CADPS2: variants seen among roughly 807,000 people sequenced by gnomAD.
CADPS2 encodes the protein calcium dependent secretion activator 2.
CADPS2 carries 93 observed loss-of-function variants against 172.5 expected under a neutral mutation model. The observed-to-expected ratio is 0.54, with a 90% CI of 0.46 to 0.64. The LOEUF (loss-of-function observed/expected upper bound fraction) is 0.64, where lower values mean the gene tolerates loss of function less well. Ranked by LOEUF, CADPS2 falls within the 30% of genes least tolerant of loss-of-function variation. The pLI, the probability that CADPS2 is intolerant of heterozygous loss-of-function variation, is 0.00. For missense variants in CADPS2, 1,420 were observed against 1,565.9 expected, an observed-to-expected ratio of 0.91 and a Z score of 1.57; for synonymous variants, 546 against 555.2, an observed-to-expected ratio of 0.98 and a Z score of 0.23.
At chr7:122,682,473 C>T (rs1164135642) in intron 2 of CADPS2, among the ~76,000 whole-genome samples, 2 of 152,084 alleles carry the variant, frequency 1.3e-5, no homozygotes, top group Admixed American at 6.5e-5. Flanking sequence ...AAATGTTTTT[C>T]TTGTTTTGCC....
intron 1 of CADPS2, among the ~76,000 whole-genome samples, chr7:122,800,277 T>C (rs562223350): frequency 1.3e-5 from 2 of 152,154 alleles, no homozygotes; most frequent in Non-Finnish European, 2.9e-5. Context: ...TACTGGAAAA[T>C]TTAACATCTC....
chr7:122,718,719 C>T (rs1009015540), intron 2 of CADPS2, among the ~76,000 whole-genome samples: 1 of 152,044 alleles, frequency 6.6e-6, no homozygotes, highest in African/African-American at 2.4e-5. Flanking sequence ...AAAGAAAGAA[C>T]CAAACGCTGT....
chr7:122,842,935 T>G (rs1024948261), intron 1 of CADPS2, among the ~76,000 whole-genome samples: 1 of 152,186 alleles, frequency 6.6e-6, no homozygotes. Flanking sequence ...TTCAAAGCCT[T>G]TCAGTGACCA....
chr7:122,518,665 A>G (rs886955651), intron 8 of CADPS2, among the ~76,000 whole-genome samples: 8 of 151,970 alleles, frequency 5.3e-5, no homozygotes, highest in African/African-American at 1.9e-4. Flanking sequence ...AGTCATTACT[A>G]CCTTCCTCAT....
At chr7:122,336,221 C>A (rs192926401) in intron 28 of CADPS2, among the ~76,000 whole-genome samples, 222 of 152,268 alleles carry the variant, frequency 1.5e-3, no homozygotes, top group African/African-American at 5.2e-3. Context: ...ACACTGGTGA[C>A]CTGGCTGCCA....
At position 122,629,269 on chromosome 7, in the gene CADPS2, T is replaced by C. The variant is rs199913558; in HGVS notation, c.846A>G (p.Gln282=). ...TTACCTTTGCCATTTTATCTGCCAATTGCAGCCGGCCATCAAGTTCCCTTC... is the reference window on the plus strand; with the variant it reads ...TTACCTTTGCCATTTTATCTGCCAACTGCAGCCGGCCATCAAGTTCCCTTC... ...QIRRELDGRL[Q]LADKMAKERK... The change falls in exon 4 of 30, where the codon CAA becomes CAG. Residue 282 remains glutamine (Q), a synonymous_variant. Transcript: ENST00000449022. 1.2e-4 allele frequency: 189 copies of C among 1,610,042 alleles called. No individual in the cohort carries two copies. The African/African-American group carries it at 2.0e-3, about 17-fold the overall frequency.
chr7:122,705,303 C>A (rs1413075643), intron 2 of CADPS2, among the ~76,000 whole-genome samples: 1 of 150,704 alleles, frequency 6.6e-6, no homozygotes, highest in Non-Finnish European at 1.5e-5. Context: ...GTAATCTGTT[C>A]CTTTTAGATC....
At chr7:122,426,394 G>A (rs1467903654) in intron 17 of CADPS2, among the ~76,000 whole-genome samples, 1 of 152,198 alleles carries the variant, frequency 6.6e-6, no homozygotes, top group African/African-American at 2.4e-5. Context: ...GAATGTGTGT[G>A]CATGCATTGA....
intron 1 of CADPS2, among the ~76,000 whole-genome samples, chr7:122,864,029 C>CA (rs1315079623): frequency 3.3e-5 from 5 of 151,056 alleles, no homozygotes; most frequent in Non-Finnish European, 5.9e-5. Context: ...GATTCCGTCT[C>CA]AAAAAAAATA....
chr7:122,427,431 T>C (rs1234077485), intron 17 of CADPS2: 2 of 152,142 alleles, frequency 1.3e-5, no homozygotes, highest in Non-Finnish European at 2.9e-5. Context: ...TTGGGGATAA[T>C]TACAATAAAG....
intron 17 of CADPS2, among the ~76,000 whole-genome samples, chr7:122,434,526 A>G (rs1031918815): frequency 1.3e-5 from 2 of 152,186 alleles, no homozygotes; most frequent in African/African-American, 4.8e-5. Flanking sequence ...ACCTCTCTCC[A>G]AAGTCCAGAG....
At chr7:122,523,949 G>A (rs1402951393) in intron 8 of CADPS2, among the ~76,000 whole-genome samples, 1 of 152,128 alleles carries the variant, frequency 6.6e-6, no homozygotes, top group Non-Finnish European at 1.5e-5. Context: ...CTGGGACTGT[G>A]AAAATCTGAA....
At chr7:122,632,455 T>C (rs528370294) in intron 3 of CADPS2, among the ~76,000 whole-genome samples, 9 of 152,334 alleles carry the variant, frequency 5.9e-5, no homozygotes, top group African/African-American at 2.2e-4. Flanking sequence ...ATTTCTCTGA[T>C]GATTAGTGAT....
At chr7:122,549,599 C>T (rs780902833) in intron 8 of CADPS2, among the ~76,000 whole-genome samples, 2 of 150,142 alleles carry the variant, frequency 1.3e-5, no homozygotes, top group Admixed American at 6.7e-5. Flanking sequence ...TCAGCCTGGG[C>T]GACAGAGTGA....
chr7:122,491,218 C>T (rs905077190), intron 10 of CADPS2, 94 bp downstream of exon 10: 8 of 702,372 alleles, frequency 1.1e-5, no homozygotes, highest in African/African-American at 9.2e-5. Flanking sequence ...CCCTATTCAT[C>T]GAGAGGGGTT....
At chr7:122,669,497 T>C (rs1162827442) in intron 2 of CADPS2, among the ~76,000 whole-genome samples, 2 of 151,742 alleles carry the variant, frequency 1.3e-5, no homozygotes, top group Non-Finnish European at 2.9e-5. Context: ...GATGGATAAA[T>C]ATCCAGTAAC....
In CADPS2 at chr7:122,864,795, A is replaced by G. The variant is rs1288280480; in HGVS notation, c.339+21204T>C. Among the ~76,000 whole-genome samples, 96 of 152,302 alleles carry G rather than the reference A, an allele frequency of 6.3e-4. 1 individual carries two copies. The highest frequency in any genetic ancestry group is 3.4e-4 in the Non-Finnish European group (23 of 68,030). ...ACTCCTTCCAACTTGTAGCTCTGTT[A>G]TCCTCAATAAGTAGCAACATCAATT... is the stretch of plus-strand genomic sequence containing the variant. On this transcript the variant is annotated intron_variant, in intron 1 of 29. Coordinates refer to ENST00000449022, the MANE Select transcript of CADPS2 (RefSeq NM_017954.11).
chr7:122,404,885 G>A (rs1472430629), intron 20 of CADPS2, among the ~76,000 whole-genome samples: 1 of 152,118 alleles, frequency 6.6e-6, no homozygotes, highest in Non-Finnish European at 1.5e-5. Flanking sequence ...CAGCACTTTG[G>A]GAGGCCGAGG....
chr7:122,408,457 C>T (rs887681447), intron 19 of CADPS2, among the ~76,000 whole-genome samples: 1 of 152,146 alleles, frequency 6.6e-6, no homozygotes, highest in African/African-American at 2.4e-5. Context: ...CAGGGCCTCA[C>T]TCTGTCACTT....
Sources: allele counts gnomAD v4.1 joint callset (sites outside exome capture counted in the v4.1 genomes callset), GRCh38; gene constraint gnomAD v4.1.1; transcripts MANE v1.5; gene names NCBI Gene and HGNC (gene_info 2026-07-23, HGNC 2026-07-21).